Variants in UHRF2 observed in about 807,000 individuals in gnomAD.
UHRF2 encodes ubiquitin like with PHD and ring finger domains 2.
In UHRF2, 23 loss-of-function variants were observed where a neutral mutation model predicts 96.8. The ratio of observed to expected loss-of-function variants is 0.24; its 90% CI spans 0.17 to 0.34. UHRF2 has a LOEUF of 0.34. UHRF2 is among the 10% of genes least tolerant of loss of function. The pLI is 1.00. For missense variants in UHRF2, 685 were observed against 981.5 expected (o/e 0.70, Z 4.04); for synonymous variants, 385 against 332.6 (o/e 1.16, Z -1.72).
intron 2 of UHRF2, among the ~76,000 whole-genome samples, chr9:6,428,653 G>A (rs550890384): frequency 2.8e-5 from 4 of 142,268 alleles, no homozygotes; most frequent in Non-Finnish European, 4.5e-5. Flanking sequence ...GGGCTTAAGC[G>A]ATCCTGCTGC....
intron 1 of UHRF2, chr9:6,415,051 C>T (rs1380290800): frequency 6.6e-6 from 1 of 152,174 alleles, no homozygotes; most frequent in Non-Finnish European, 1.5e-5. Flanking sequence ...TCGTTTGATG[C>T]ATTTTATTTT....
rs1437559934 is a variant in UHRF2 at position 6,463,377 on chromosome 9, A to C, written c.863+2586A>C. On this transcript the variant is annotated intron_variant, in intron 4 of 15. Coordinates refer to ENST00000276893, the MANE Select transcript of UHRF2 (RefSeq NM_152896.3). ...GTGATAGCTATCCCAACAGTACAATAAAATGTAAAGTATTATTCTTTGTCA... is the reference window on the plus strand; with the variant it reads ...GTGATAGCTATCCCAACAGTACAATCAAATGTAAAGTATTATTCTTTGTCA... Among the ~76,000 whole-genome samples the C allele has an allele frequency of 2.6e-5, 4 of 152,352 alleles. No individual in the cohort carries two copies. The East Asian group carries it at 7.7e-4, about 29-fold the overall frequency.
At chr9:6,466,931 C>G (rs1023254467) in intron 4 of UHRF2, among the ~76,000 whole-genome samples, 1 of 152,206 alleles carries the variant, frequency 6.6e-6, no homozygotes, top group Admixed American at 6.5e-5. Flanking sequence ...CACATACATA[C>G]CAGACATAAG....
intron 14 of UHRF2, among the ~76,000 whole-genome samples, chr9:6,501,090 A>G (rs1246230124): frequency 1.3e-5 from 2 of 152,222 alleles, no homozygotes; most frequent in African/African-American, 4.8e-5. Flanking sequence ...CAAAACCTAC[A>G]TGTTAAACTA....
chr9:6,419,458 CTT>C (rs900813175), intron 1 of UHRF2, among the ~76,000 whole-genome samples: 1 of 151,982 alleles, frequency 6.6e-6, no homozygotes, highest in African/African-American at 2.4e-5. Context: ...ATTATCCCTT[CTT>C]GTTTTTTTTT....
In UHRF2 at chr9:6,413,220, C is replaced by G. The variant is rs879471513; in HGVS notation, c.-271C>G. On this transcript the variant is annotated 5_prime_UTR_variant, in exon 1 of 16. Transcript: ENST00000276893. ...CTCTATAAGTAAACACTCTGCGCGG[C>G]GCAGACATGGCCTCTTCCTATCTTT... The G allele has an allele frequency of 1.3e-4, 21 of 167,864 alleles. No homozygotes were observed. The highest frequency in any genetic ancestry group is 2.3e-4 in the Non-Finnish European group (18 of 78,472). The allele number at this position is 167,864 out of a possible 1,614,324, so 10.4% of individuals were successfully genotyped here.
At chr9:6,461,394 C>CCG (rs1563775194) in intron 4 of UHRF2, among the ~76,000 whole-genome samples, 1 of 129,692 alleles carries the variant, frequency 7.7e-6, no homozygotes, top group African/African-American at 2.8e-5. Flanking sequence ...TCTCCTCCCC[C>CCG]CCGCCCCTTG....
At chr9:6,486,956 A>T in intron 9 of UHRF2, 31 bp downstream of exon 9, 1 of 1,593,578 alleles carries the variant, frequency 6.3e-7, no homozygotes, top group Non-Finnish European at 8.6e-7. Flanking sequence ...ACTCATTAGT[A>T]CCTGCCTTGA....
intron 6 of UHRF2, among the ~76,000 whole-genome samples, chr9:6,480,465 A>G (rs1375638727): frequency 6.6e-6 from 1 of 152,230 alleles, no homozygotes. Flanking sequence ...TTAGGATGGT[A>G]TAATTAGAAG....
At chr9:6,464,543 C>G (rs1822750843) in intron 4 of UHRF2, among the ~76,000 whole-genome samples, 1 of 151,898 alleles carries the variant, frequency 6.6e-6, no homozygotes, top group African/African-American at 2.4e-5. Flanking sequence ...GTGGTTTTGC[C>G]TTTCTTTAGG....
In UHRF2 at chr9:6,493,825, G is replaced by A. The variant is rs1365840114; in HGVS notation, c.1498-1G>A. 6.2e-7 allele frequency: 1 copy of A among 1,610,802 alleles called. No individual in the cohort carries two copies. ...TTAATAAAGAAAATCTTCTCTGACA[G>A]GACCGAGGTGATGAGTTCACATACA... On this transcript the variant is annotated splice_acceptor_variant, in intron 9 of 15. Coordinates refer to ENST00000276893, the MANE Select transcript of UHRF2 (RefSeq NM_152896.3). LOFTEE classifies it high-confidence loss of function.
intron 3 of UHRF2, chr9:6,449,352 C>G (rs745714336): frequency 2.0e-5 from 3 of 152,182 alleles, no homozygotes; most frequent in Non-Finnish European, 4.4e-5. Flanking sequence ...TTAGACTGGC[C>G]AAGATGTTGT....
chr9:6,453,873 C>T (rs530517209), intron 3 of UHRF2, among the ~76,000 whole-genome samples: 24 of 151,988 alleles, frequency 1.6e-4, no homozygotes, highest in African/African-American at 5.8e-4. Context: ...CCATTGTACT[C>T]CAACCTGGGC....
At chr9:6,457,257 C>T (rs1018617878) in intron 3 of UHRF2, among the ~76,000 whole-genome samples, 2 of 151,930 alleles carry the variant, frequency 1.3e-5, no homozygotes, top group Non-Finnish European at 2.9e-5. Context: ...GTATTTTATT[C>T]TCTTTGTAGC....
chr9:6,433,737 T>C (rs904337084), intron 2 of UHRF2, among the ~76,000 whole-genome samples, 177 bp from the exon 3 acceptor site: 9 of 152,228 alleles, frequency 5.9e-5, no homozygotes, highest in Non-Finnish European at 1.0e-4. Context: ...AGTCAATAGA[T>C]TTAAGATAGC....
At chr9:6,481,929 A>G (rs1823952777) in intron 7 of UHRF2, 63 bp from the exon 8 acceptor site, 11 of 1,582,994 alleles carry the variant, frequency 6.9e-6, no homozygotes, top group Non-Finnish European at 9.5e-6. Flanking sequence ...ACATCTCAGA[A>G]TTAAGGGCTT....
intron 8 of UHRF2, among the ~76,000 whole-genome samples, chr9:6,483,013 G>T (rs1402370550): frequency 6.6e-6 from 1 of 152,080 alleles, no homozygotes; most frequent in Non-Finnish European, 1.5e-5. Flanking sequence ...AGACACCAAA[G>T]TCTGTGGATG....
Position 6,482,017 on chromosome 9 carries a change from G to C in UHRF2, c.1310G>C (p.Arg437Thr), listed in dbSNP as rs1256024747. The change falls in exon 8 of 16, where the codon AGA becomes ACA. Residue 437 changes from arginine to threonine, a missense_variant. Transcript: ENST00000276893. ...GGAATGGCTTGTGTTGGTCGTACGA[G>C]AGAATGTACTATTGTCCCTTCTAAT... ...GRGMACVGRT[R>T]ECTIVPSNHY... 6.2e-7 allele frequency: 1 copy of C among 1,613,922 alleles called. No homozygotes were observed. The highest frequency in any genetic ancestry group is 8.5e-7 in the Non-Finnish European group (1 of 1,179,924).
At chr9:6,445,981 C>CTTTTTT (rs57147850) in intron 3 of UHRF2, among the ~76,000 whole-genome samples, 2,578 of 78,676 alleles carry the variant, frequency 0.033, 47 homozygotes, top group Non-Finnish European at 0.048. Context: ...CCCCGCCACC[C>CTTTTTT]TTTTTTTTTT....
Sources: gnomAD v4.1 joint callset for allele counts (sites outside exome capture counted in the v4.1 genomes callset) on GRCh38, gnomAD v4.1.1 for gene constraint, MANE v1.5 for transcripts, NCBI Gene and HGNC (gene_info 2026-07-23, HGNC 2026-07-21) for gene names.